The following RBFOX2 variants were observed in gnomAD, a reference collection of about 807,000 sequenced individuals.
The protein encoded by RBFOX2 is RNA binding protein fox-1 homolog 2.
A neutral mutation model predicts 49.1 loss-of-function variants in RBFOX2; 10 were observed. The observed-to-expected ratio is 0.20, with a 90% CI of 0.13 to 0.35. The LOEUF is 0.35. RBFOX2 is among the 10% of genes least tolerant of loss of function. The probability of loss-of-function intolerance (pLI) is 1.00; values close to 1 mark genes in which losing one functional copy is unlikely to be tolerated. For synonymous variants in RBFOX2, 183 were observed against 187.4 expected (o/e 0.98, Z 0.19); for missense variants, 323 against 486.9 (o/e 0.66, Z 3.17).
intron 2 of RBFOX2, among the ~76,000 whole-genome samples, chr22:35,795,314 G>T (rs2147686648): frequency 6.6e-6 from 1 of 152,202 alleles, no homozygotes; most frequent in East Asian, 1.9e-4. Context: ...CGTAGTCCAA[G>T]ACCTCTACAT....
chr22:35,968,656 C>T (rs1355170537), intron 1 of RBFOX2, among the ~76,000 whole-genome samples: 4 of 152,170 alleles, frequency 2.6e-5, no homozygotes, highest in African/African-American at 4.8e-5. Flanking sequence ...TCAACAGGAA[C>T]CATAATTTCC....
intron 1 of RBFOX2, among the ~76,000 whole-genome samples, chr22:36,014,715 C>T (rs1022071384): frequency 6.6e-6 from 1 of 152,016 alleles, no homozygotes; most frequent in Admixed American, 6.6e-5. Context: ...TATTTCACAC[C>T]ACTCCTAGAG....
At chr22:35,874,179 T>C (rs1024248139) in intron 1 of RBFOX2, among the ~76,000 whole-genome samples, 3 of 152,132 alleles carry the variant, frequency 2.0e-5, no homozygotes, top group Admixed American at 6.5e-5. Context: ...TAAGAAATAA[T>C]GCTGTGAGGA....
chr22:35,801,418 A>G (rs1163412311), intron 2 of RBFOX2, among the ~76,000 whole-genome samples: 1 of 148,470 alleles, frequency 6.7e-6, no homozygotes, highest in East Asian at 1.9e-4. Flanking sequence ...AACTCTCTAT[A>G]TACAACACAT....
intron 1 of RBFOX2, among the ~76,000 whole-genome samples, chr22:35,817,465 A>C (rs1397673100): frequency 6.8e-6 from 1 of 147,464 alleles, no homozygotes; most frequent in Non-Finnish European, 1.5e-5. Flanking sequence ...CAACAGAGTA[A>C]GACTTTGTCT....
intron 1 of RBFOX2, among the ~76,000 whole-genome samples, chr22:35,949,607 TATCTC>T (rs2054689041): frequency 6.6e-6 from 1 of 152,378 alleles, no homozygotes; most frequent in East Asian, 1.9e-4. Context: ...TGTGAAGTGT[TATCTC>T]ATTGTTTTGA....
intron 1 of RBFOX2, chr22:35,993,155 A>G (rs1260184333): frequency 6.6e-6 from 1 of 152,240 alleles, no homozygotes; most frequent in African/African-American, 2.4e-5. Context: ...AAGCCCAAGC[A>G]AAGCTAAATT....
intron 10 of RBFOX2, 96 bp downstream of exon 12, chr22:35,746,377 G>A (rs745476582): frequency 7.8e-5 from 88 of 1,133,566 alleles, no homozygotes; most frequent in Non-Finnish European, 1.1e-4. Flanking sequence ...TGTGCTAAGA[G>A]CTGCTGTGGA....
intron 1 of RBFOX2, among the ~76,000 whole-genome samples, chr22:35,974,899 T>A (rs2057067733): frequency 1.3e-5 from 2 of 152,230 alleles, no homozygotes; most frequent in South Asian, 4.1e-4. Flanking sequence ...TTCTCTGACC[T>A]TCTCTCCCCA....
chr22:35,747,917 C>G (rs1442908547), intron 9 of RBFOX2: 1 of 152,146 alleles, frequency 6.6e-6, no homozygotes, highest in African/African-American at 2.4e-5. Context: ...ACTTCTGTAT[C>G]ATTTCTTGGG....
chr22:35,838,641 C>G (rs1195910760), intron 1 of RBFOX2, among the ~76,000 whole-genome samples: 2 of 152,190 alleles, frequency 1.3e-5, no homozygotes, highest in Non-Finnish European at 2.9e-5. Flanking sequence ...TCGCTTCTTC[C>G]TCCACTTGGC....
At chr22:35,964,710 A>G (rs17725324), upstream of RBFOX2, among the ~76,000 whole-genome samples, 66 of 152,314 alleles carry the variant, frequency 4.3e-4, 1 homozygote, top group South Asian at 2.7e-3. Flanking sequence ...GGATTCCACT[A>G]AAATTAAATC....
At chr22:35,816,261 T>G (rs955500314) in intron 1 of RBFOX2, among the ~76,000 whole-genome samples, 1 of 152,098 alleles carries the variant, frequency 6.6e-6, no homozygotes, top group Non-Finnish European at 1.5e-5. Context: ...TCGTTTTTTG[T>G]TTTGTTTTGT....
At chr22:35,974,124 C>A (rs895174631) in intron 1 of RBFOX2, among the ~76,000 whole-genome samples, 3 of 152,194 alleles carry the variant, frequency 2.0e-5, no homozygotes, top group Admixed American at 2.0e-4. Context: ...ACTCCCAAAC[C>A]AGCTCTAAAC....
At chr22:35,847,152 A>C (rs1010353460) in intron 1 of RBFOX2, among the ~76,000 whole-genome samples, 9 of 152,134 alleles carry the variant, frequency 5.9e-5, no homozygotes, top group African/African-American at 2.2e-4. Flanking sequence ...GTATCTCCTT[A>C]CTCTGCCTGA....
intron 1 of RBFOX2, among the ~76,000 whole-genome samples, chr22:35,862,359 G>A (rs1268827029): frequency 1.4e-5 from 2 of 148,018 alleles, no homozygotes; most frequent in Non-Finnish European, 3.0e-5. Flanking sequence ...TTTTTGAAGG[G>A]TTAGTTATTT....
chr22:35,889,077 T>A (rs558634634), intron 1 of RBFOX2, among the ~76,000 whole-genome samples: 4 of 152,180 alleles, frequency 2.6e-5, no homozygotes, highest in South Asian at 4.1e-4. Context: ...ATCGCTTGAA[T>A]GCAGGAGGCG....
chr22:35,942,238 T>C (rs1301572662), upstream of RBFOX2, among the ~76,000 whole-genome samples: 1 of 152,154 alleles, frequency 6.6e-6, no homozygotes, highest in Non-Finnish European at 1.5e-5. Flanking sequence ...ATGTTTTACA[T>C]ATGAGATTAG....
intron 1 of RBFOX2, among the ~76,000 whole-genome samples, chr22:35,955,783 A>T (rs1226312184): frequency 6.6e-6 from 1 of 152,168 alleles, no homozygotes; most frequent in Non-Finnish European, 1.5e-5. Context: ...CCAGTACCAG[A>T]CTGTGGCCTG....
Sources: allele counts gnomAD v4.1 joint callset (sites outside exome capture counted in the v4.1 genomes callset), GRCh38; gene constraint gnomAD v4.1.1; transcripts MANE v1.5; gene names NCBI Gene and HGNC (gene_info 2026-07-23, HGNC 2026-07-21).